MACROD2: variants seen among roughly 807,000 people sequenced by gnomAD.
The protein encoded by MACROD2 is ADP-ribose glycohydrolase MACROD2.
MACROD2 carries 36 observed loss-of-function variants against 70.4 expected under a neutral mutation model. The observed-to-expected ratio is 0.51, with a 90% CI of 0.39 to 0.68. The LOEUF (loss-of-function observed/expected upper bound fraction) is 0.68, where lower values mean the gene tolerates loss of function less well. Ranked by LOEUF, MACROD2 falls within the 30% of genes least tolerant of loss-of-function variation. The pLI, the probability that MACROD2 is intolerant of heterozygous loss-of-function variation, is 0.00. For synonymous variants in MACROD2, 172 were observed against 178.8 expected (o/e 0.96, Z 0.30); for missense variants, 496 against 538.4 (o/e 0.92, Z 0.78).
At chr20:15,070,686 A>T (rs2123106221) in intron 5 of MACROD2, among the ~76,000 whole-genome samples, 1 of 152,240 alleles carries the variant, frequency 6.6e-6, no homozygotes, top group Middle Eastern at 3.4e-3. Context: ...GCCTTCTATC[A>T]TGATTACAAG....
chr20:15,411,931 A>G (rs964687969), intron 6 of MACROD2, among the ~76,000 whole-genome samples: 1 of 152,154 alleles, frequency 6.6e-6, no homozygotes, highest in East Asian at 1.9e-4. Context: ...GTTGGATGGA[A>G]GTGCCTCTGA....
intron 5 of MACROD2, among the ~76,000 whole-genome samples, chr20:14,687,804 C>T (rs145264782): frequency 6.6e-6 from 1 of 152,138 alleles, no homozygotes; most frequent in East Asian, 1.9e-4. Flanking sequence ...CTAGGTCTTG[C>T]TTCTTCCTAT....
chr20:15,220,482 G>A lies in MACROD2; in HGVS notation c.419-9458G>A, dbSNP rs189479317. ...GAGTTAGCAAGAATCTTGGGACATA[G>A]GTAGTCATATCGGATTGCCTTGAAT... On this transcript the variant is annotated intron_variant, in intron 5 of 17. Coordinates refer to ENST00000684519, the MANE Select transcript of MACROD2 (RefSeq NM_001351661.2). 3.9e-4 allele frequency among the ~76,000 whole-genome samples: 59 copies of A among 152,360 alleles called. 1 individual carries two copies. In the East Asian group the frequency reaches 0.011, roughly 29 times the overall value.
intron 8 of MACROD2, among the ~76,000 whole-genome samples, chr20:15,741,547 T>A (rs186862679): frequency 6.6e-6 from 1 of 152,250 alleles, no homozygotes; most frequent in East Asian, 1.9e-4. Flanking sequence ...TGTCCTCTGA[T>A]ATGCACGTGG....
chr20:15,205,387 AT>A (rs73615569), intron 5 of MACROD2, among the ~76,000 whole-genome samples: 10,257 of 148,066 alleles, frequency 0.069, 468 homozygotes, highest in Non-Finnish European at 0.1. Context: ...AGGGGCTTCT[AT>A]TTTTTTTTTT....
intron 5 of MACROD2, among the ~76,000 whole-genome samples, chr20:14,689,192 G>T (rs368349381): frequency 3.2e-4 from 49 of 152,094 alleles, no homozygotes; most frequent in African/African-American, 9.7e-4. Flanking sequence ...TCAAACTCTT[G>T]TTCAAATGTA....
At position 15,679,622 on chromosome 20, in the gene MACROD2, C is replaced by A. The variant is rs369298075; in HGVS notation, c.645+179775C>A. On this transcript the variant is annotated intron_variant, in intron 8 of 17. Transcript: ENST00000684519. The stretch of plus-strand genomic sequence containing the variant: ...GATTTAGCACTCTCAGAGCTTTGAG[C>A]TGCCCTGTGAGAAGCCTATCTACCC... 3.7e-4 allele frequency among the ~76,000 whole-genome samples: 56 copies of A among 152,308 alleles called. No individual in the cohort carries two copies. The South Asian group carries it at 0.012, about 32-fold the overall frequency.
intron 5 of MACROD2, among the ~76,000 whole-genome samples, chr20:14,722,426 C>T (rs912450031): frequency 6.6e-6 from 1 of 152,138 alleles, no homozygotes; most frequent in African/African-American, 2.4e-5. Context: ...AGGTTTCTGA[C>T]AGGGCATGTG....
intron 3 of MACROD2, among the ~76,000 whole-genome samples, chr20:14,405,528 T>C (rs758080129): frequency 2.0e-5 from 3 of 152,328 alleles, no homozygotes; most frequent in East Asian, 3.8e-4. Context: ...TGCTCAGCCA[T>C]GTTCAGGTAC....
chr20:14,353,819 A>C (rs910371736), intron 3 of MACROD2, among the ~76,000 whole-genome samples: 2 of 152,198 alleles, frequency 1.3e-5, no homozygotes, highest in African/African-American at 4.8e-5. Context: ...ATTAAATCAC[A>C]TGCCAATGCC....
chr20:15,916,529 C>G (rs1410765707), intron 10 of MACROD2, among the ~76,000 whole-genome samples: 1 of 152,194 alleles, frequency 6.6e-6, no homozygotes, highest in East Asian at 1.9e-4. Flanking sequence ...ATTTTTAAAA[C>G]CACCATCATC....
chr20:15,293,490 A>G (rs2077559230), intron 6 of MACROD2, among the ~76,000 whole-genome samples: 1 of 152,242 alleles, frequency 6.6e-6, no homozygotes, highest in Non-Finnish European at 1.5e-5. Context: ...AAAAATCTTC[A>G]ATCCAAAACA....
At chr20:15,112,630 G>A (rs569018994) in intron 5 of MACROD2, among the ~76,000 whole-genome samples, 1 of 152,206 alleles carries the variant, frequency 6.6e-6, no homozygotes, top group Admixed American at 6.5e-5. Flanking sequence ...AAAAGTTACT[G>A]TGGTTAAACA....
At chr20:15,096,497 AT>A (rs1361935682) in intron 5 of MACROD2, among the ~76,000 whole-genome samples, 2 of 148,240 alleles carry the variant, frequency 1.3e-5, no homozygotes, top group African/African-American at 2.5e-5. Context: ...AATATATATA[AT>A]ATATGTTTTT....
chr20:15,145,724 C>A (rs1601137150), intron 5 of MACROD2, among the ~76,000 whole-genome samples: 1 of 152,018 alleles, frequency 6.6e-6, no homozygotes, highest in African/African-American at 2.4e-5. Flanking sequence ...AACAGGTTCT[C>A]TTTAACTGAT....
chr20:15,164,397 G>T (rs190001021), intron 5 of MACROD2, among the ~76,000 whole-genome samples: 10 of 152,022 alleles, frequency 6.6e-5, no homozygotes, highest in Non-Finnish European at 1.2e-4. Context: ...GAAGGAGAGA[G>T]GCCTTGAACC....
At chr20:15,077,598 T>C (rs189173882) in intron 5 of MACROD2, among the ~76,000 whole-genome samples, 64 of 152,318 alleles carry the variant, frequency 4.2e-4, no homozygotes, top group African/African-American at 1.4e-3. Flanking sequence ...TATGTTTTAC[T>C]CCAAGAATGG....
chr20:14,814,592 A>C (rs1187553233), intron 5 of MACROD2, among the ~76,000 whole-genome samples: 1 of 152,044 alleles, frequency 6.6e-6, no homozygotes, highest in Non-Finnish European at 1.5e-5. Context: ...GGGTGCCCTA[A>C]AATATGGAAT....
intron 4 of MACROD2, among the ~76,000 whole-genome samples, chr20:14,497,676 AT>A (rs2084869375): frequency 1.3e-5 from 2 of 151,892 alleles, no homozygotes; most frequent in South Asian, 4.1e-4. Flanking sequence ...GACATTTAAA[AT>A]GACGGTTCCT....
Sources: allele counts gnomAD v4.1 joint callset (sites outside exome capture counted in the v4.1 genomes callset), GRCh38; gene constraint gnomAD v4.1.1; transcripts MANE v1.5; gene names NCBI Gene and HGNC (gene_info 2026-07-23, HGNC 2026-07-21).